Variants in NOX4 observed in about 807,000 individuals in gnomAD.
The protein encoded by NOX4 is NADPH oxidase 4.
In NOX4, 69 loss-of-function variants were observed where a neutral mutation model predicts 87.6. The ratio of observed to expected loss-of-function variants is 0.79; its 90% CI spans 0.65 to 0.96. NOX4 has a LOEUF of 0.96. NOX4 is among the 40% of genes least tolerant of loss of function. NOX4 has a pLI of 0.00. For missense variants in NOX4, 680 were observed against 681.5 expected, an observed-to-expected ratio of 1.00 and a Z score of 0.02; for synonymous variants, 275 against 238.2, an observed-to-expected ratio of 1.15 and a Z score of -1.42.
At chr11:89,502,808 T>TA (rs1337951749), upstream of NOX4, among the ~76,000 whole-genome samples, 1 of 152,060 alleles carries the variant, frequency 6.6e-6, no homozygotes, top group African/African-American at 2.4e-5. Context: ...TTCCTAGACT[T>TA]AACTGACTTT....
Position 89,444,132 on chromosome 11 carries a change from C to T in NOX4, c.447+3G>A. The T allele has an allele frequency of 1.2e-6, 2 of 1,612,170 alleles. No individual in the cohort carries two copies. The highest frequency in any genetic ancestry group is 1.7e-6 in the Non-Finnish European group (2 of 1,178,544). On this transcript the variant is annotated splice_donor_region_variant and intron_variant, in intron 5 of 17. Coordinates refer to ENST00000263317, the MANE Select transcript of NOX4 (RefSeq NM_016931.5). ...GAAAAATGGGAAGACAGAGACCACC[C>T]ACCTCATCTCGGTATCTTGCTGCAT...
chr11:89,399,500 C>A (rs1941700365), intron 11 of NOX4, among the ~76,000 whole-genome samples: 1 of 144,438 alleles, frequency 6.9e-6, no homozygotes, highest in Non-Finnish European at 1.5e-5. Context: ...GTCTCACTCT[C>A]TTGCTCAGGC....
At chr11:89,329,088 G>A (rs1690593423) in intron 17 of NOX4, among the ~76,000 whole-genome samples, 1 of 151,794 alleles carries the variant, frequency 6.6e-6, no homozygotes, top group Non-Finnish European at 1.5e-5. Context: ...ACAGAAACAG[G>A]CTCAGAATGA....
the NOX4 span, chr11:89,545,284 A>G: frequency 1.3e-5 from 2 of 152,080 alleles, no homozygotes; most frequent in African/African-American, 2.4e-5. Context: ...TCCAGTAGAA[A>G]CCTTTGAAAG....
At chr11:89,336,127 A>G in intron 16 of NOX4, 182 bp from the exon 17 acceptor site, 2 of 411,750 alleles carry the variant, frequency 4.9e-6, no homozygotes, top group South Asian at 1.4e-4. Flanking sequence ...CTTTCTTTTA[A>G]AATTCATTAT....
At chr11:89,355,202 T>C (rs1206941501) in intron 12 of NOX4, among the ~76,000 whole-genome samples, 159 bp from the exon 13 acceptor site, 1 of 151,304 alleles carries the variant, frequency 6.6e-6, no homozygotes, top group Non-Finnish European at 1.5e-5. Context: ...ATTACTAATA[T>C]ATACATAGTG....
chr11:89,501,058 C>A (rs1175456899), upstream of NOX4, among the ~76,000 whole-genome samples: 1 of 151,988 alleles, frequency 6.6e-6, no homozygotes, highest in Non-Finnish European at 1.5e-5. Context: ...GCATTATTAC[C>A]AAGCTGTAGC....
chr11:89,566,188 G>A, the NOX4 span, among the ~76,000 whole-genome samples: 2 of 151,678 alleles, frequency 1.3e-5, no homozygotes, highest in African/African-American at 4.8e-5. Flanking sequence ...GACTACAGGC[G>A]CCAGCCACAA....
At chr11:89,559,127 A>G in the NOX4 span, among the ~76,000 whole-genome samples, 5 of 152,098 alleles carry the variant, frequency 3.3e-5, no homozygotes, top group African/African-American at 1.2e-4. Flanking sequence ...GTCATATGCT[A>G]AATGCTGTAT....
the NOX4 span, among the ~76,000 whole-genome samples, chr11:89,564,719 G>A: frequency 1.1e-4 from 16 of 151,194 alleles, no homozygotes; most frequent in African/African-American, 3.4e-4. Flanking sequence ...AATTTTGGAG[G>A]AGTTTTTTGT....
intron 7 of NOX4, among the ~76,000 whole-genome samples, chr11:89,426,474 C>T (rs1943420195): frequency 6.6e-6 from 1 of 151,880 alleles, no homozygotes; most frequent in African/African-American, 2.4e-5. Context: ...CTTGGCTAGC[C>T]AAGGGAAGCT....
At chr11:89,373,631 C>T (rs1432498649) in intron 11 of NOX4, 139 bp from the exon 12 acceptor site, 3 of 559,516 alleles carry the variant, frequency 5.4e-6, no homozygotes, top group African/African-American at 3.8e-5. Context: ...CTATACAGAT[C>T]CTTATTAGTG....
chr11:89,508,630 C>T, the NOX4 span, among the ~76,000 whole-genome samples: 5 of 151,818 alleles, frequency 3.3e-5, no homozygotes, highest in African/African-American at 7.3e-5. Context: ...TTGGAGAGGA[C>T]GGATATGAGG....
chr11:89,430,980 C>T (rs1214517654), intron 7 of NOX4, among the ~76,000 whole-genome samples: 1 of 152,168 alleles, frequency 6.6e-6, no homozygotes, highest in Admixed American at 6.5e-5. Flanking sequence ...GTAACCAAAG[C>T]AGCATGGTAC....
the NOX4 span, among the ~76,000 whole-genome samples, chr11:89,517,016 TTGTTTTCTAAGA>T: frequency 6.6e-6 from 1 of 151,980 alleles, no homozygotes. Context: ...CTCATTCTTC[TTGTTTTCTAAGA>T]TGTTGAATAA....
the NOX4 span, among the ~76,000 whole-genome samples, chr11:89,563,897 G>A: frequency 6.6e-6 from 1 of 152,168 alleles, no homozygotes; most frequent in Admixed American, 6.5e-5. Flanking sequence ...TTGCAAATTT[G>A]TAAGTTCAAC....
chr11:89,422,431 CAA>C (rs1297566180), intron 7 of NOX4, among the ~76,000 whole-genome samples: 1 of 151,916 alleles, frequency 6.6e-6, no homozygotes, highest in Non-Finnish European at 1.5e-5. Flanking sequence ...AGATGACGAC[CAA>C]AGTGTTATAT....
chr11:89,497,723 G>A (rs1436720588), intron 1 of NOX4, among the ~76,000 whole-genome samples: 1 of 152,120 alleles, frequency 6.6e-6, no homozygotes, highest in African/African-American at 2.4e-5. Flanking sequence ...CAAATCCCAT[G>A]TCTGTTTTGT....
chr11:89,484,376 A>G (rs549150467), intron 2 of NOX4, among the ~76,000 whole-genome samples: 1 of 152,272 alleles, frequency 6.6e-6, no homozygotes, highest in South Asian at 2.1e-4. Context: ...CAACTATAAT[A>G]CTAAAAATAT....
Sources: gnomAD v4.1 joint callset for allele counts (sites outside exome capture counted in the v4.1 genomes callset) on GRCh38, gnomAD v4.1.1 for gene constraint, MANE v1.5 for transcripts, NCBI Gene and HGNC (gene_info 2026-07-23, HGNC 2026-07-21) for gene names.